Variants in ZSWIM6 observed in about 807,000 individuals in gnomAD.
ZSWIM6 encodes the protein zinc finger SWIM domain-containing protein 6.
ZSWIM6 carries 9 observed loss-of-function variants against 113.2 expected under a neutral mutation model. That is an observed-to-expected ratio of 0.08 (90% CI 0.05 to 0.14). ZSWIM6 has a LOEUF of 0.14. ZSWIM6 is among the 10% of genes least tolerant of loss of function. The probability of loss-of-function intolerance (pLI) is 1.00; values close to 1 mark genes in which losing one functional copy is unlikely to be tolerated. For synonymous variants in ZSWIM6, 611 were observed against 606.5 expected (o/e 1.01, Z -0.11); for missense variants, 1,162 against 1,552.2 (o/e 0.75, Z 4.22).
intron 1 of ZSWIM6, among the ~76,000 whole-genome samples, chr5:61,406,877 T>C (rs999214420): frequency 2.0e-5 from 3 of 152,088 alleles, no homozygotes; most frequent in Non-Finnish European, 2.9e-5. Flanking sequence ...CATGCCTGCC[T>C]AATTTTTGTA....
rs1749801546 is a variant in ZSWIM6, at chr5:61,543,614, C to T, written c.2945C>T (p.Thr982Ile). Residue 982 changes from threonine to isoleucine, a missense_variant, in exon 14 of 14, where the codon ACA becomes ATA. Transcript: ENST00000252744. The surrounding 1 kb of genome is among the most constrained non-coding windows in gnomAD (Gnocchi z 4.3). ...GAAAAGCTGGCCAGCAGCGCCCGGA[C>T]ACTTGCACTGCAGTGTGCCATGAAG... ...QQEKLASSAR[T>I]LALQCAMKDP... The T allele has an allele frequency of 6.4e-7, 1 of 1,551,672 alleles. No homozygotes were observed. Among genetic ancestry groups the T allele is most frequent in the African/African-American group, 1.4e-5 (1 of 73,056 alleles).
intron 7 of ZSWIM6, among the ~76,000 whole-genome samples, chr5:61,528,712 C>T (rs1391655037): frequency 6.6e-6 from 1 of 151,920 alleles, no homozygotes; most frequent in Non-Finnish European, 1.5e-5. Flanking sequence ...CTCAACCTCC[C>T]GAGTAGCTGG....
intron 1 of ZSWIM6, among the ~76,000 whole-genome samples, chr5:61,453,712 G>T (rs1336256989): frequency 6.6e-6 from 1 of 150,848 alleles, no homozygotes. Flanking sequence ...GAATAACCAT[G>T]CCTTTTTTTT....
At chr5:61,355,638 T>G (rs1040517689) in intron 1 of ZSWIM6, among the ~76,000 whole-genome samples, 1 of 152,206 alleles carries the variant, frequency 6.6e-6, no homozygotes, top group African/African-American at 2.4e-5. Context: ...ACCATTATGC[T>G]AAATATCAAT....
intron 4 of ZSWIM6, among the ~76,000 whole-genome samples, chr5:61,507,597 A>G (rs1004606215): frequency 8.5e-5 from 13 of 152,200 alleles, no homozygotes; most frequent in African/African-American, 2.7e-4. Flanking sequence ...TCAATCTACA[A>G]TGAAATTACT....
intron 1 of ZSWIM6, 61 bp downstream of exon 1, chr5:61,333,009 GT>G (rs1744299066): frequency 4.1e-5 from 18 of 439,680 alleles, no homozygotes; most frequent in Non-Finnish European, 5.8e-5. Flanking sequence ...TGGGGGGGGG[GT>G]GCCCGCCTTT....
chr5:61,458,275 C>G (rs2112165405), intron 1 of ZSWIM6, among the ~76,000 whole-genome samples: 1 of 152,268 alleles, frequency 6.6e-6, no homozygotes, highest in Middle Eastern at 3.4e-3. Flanking sequence ...AGGCAAAAGT[C>G]TAGGTTTTCA....
chr5:61,428,348 A>G (rs1746506563), intron 1 of ZSWIM6, among the ~76,000 whole-genome samples: 1 of 152,096 alleles, frequency 6.6e-6, no homozygotes, highest in Non-Finnish European at 1.5e-5. Flanking sequence ...TTTAAGAGCC[A>G]TTTTGGTGAT....
intron 4 of ZSWIM6, among the ~76,000 whole-genome samples, chr5:61,514,794 A>G (rs1391404763): frequency 6.6e-6 from 1 of 152,020 alleles, no homozygotes; most frequent in African/African-American, 2.4e-5. Flanking sequence ...GAGGCATTTT[A>G]CTTCTATGCT....
At chr5:61,385,706 T>C (rs960728829) in intron 1 of ZSWIM6, among the ~76,000 whole-genome samples, 2 of 152,252 alleles carry the variant, frequency 1.3e-5, no homozygotes, top group African/African-American at 4.8e-5. Context: ...CAGCGTAGTT[T>C]ACTTGGCTTC....
chr5:61,501,839 T>G (rs776934097), intron 4 of ZSWIM6, among the ~76,000 whole-genome samples: 21 of 152,230 alleles, frequency 1.4e-4, no homozygotes, highest in Non-Finnish European at 2.2e-4. Context: ...CATTAGTGGT[T>G]AATAGGAATG....
intron 10 of ZSWIM6, among the ~76,000 whole-genome samples, chr5:61,537,246 G>T (rs1286220118): frequency 6.6e-6 from 1 of 152,204 alleles, no homozygotes; most frequent in Non-Finnish European, 1.5e-5. Flanking sequence ...TGCCAAGGCA[G>T]TTTCTTAATG....
At chr5:61,365,853 ACATCTGCCCAAT>A (rs1561208963) in intron 1 of ZSWIM6, among the ~76,000 whole-genome samples, 3 of 152,204 alleles carry the variant, frequency 2.0e-5, no homozygotes, top group Non-Finnish European at 4.4e-5. Flanking sequence ...TAAAATGGGC[ACATCTGCCCAAT>A]ACCTTAGTTC....
intron 1 of ZSWIM6, among the ~76,000 whole-genome samples, chr5:61,390,434 G>T (rs928464783): frequency 6.6e-6 from 1 of 152,134 alleles, no homozygotes; most frequent in Non-Finnish European, 1.5e-5. Context: ...ATCTATGACA[G>T]AAATATTTTT....
chr5:61,477,920 A>G (rs907050877), intron 2 of ZSWIM6, among the ~76,000 whole-genome samples: 3 of 152,208 alleles, frequency 2.0e-5, no homozygotes, highest in African/African-American at 7.2e-5. Flanking sequence ...CTTTAAGGAC[A>G]TGTACACTTT....
chr5:61,339,587 C>G (rs1228519643), intron 1 of ZSWIM6, among the ~76,000 whole-genome samples: 1 of 152,054 alleles, frequency 6.6e-6, no homozygotes, highest in African/African-American at 2.4e-5. Context: ...TTTATAGGGG[C>G]AATCATTAAA....
chr5:61,412,554 A>G (rs1746167691), intron 1 of ZSWIM6, among the ~76,000 whole-genome samples: 1 of 152,104 alleles, frequency 6.6e-6, no homozygotes, highest in Non-Finnish European at 1.5e-5. Flanking sequence ...TATTCTTTTT[A>G]TGGGCTACTT....
chr5:61,445,350 G>A (rs1418665646), intron 1 of ZSWIM6, among the ~76,000 whole-genome samples: 1 of 152,152 alleles, frequency 6.6e-6, no homozygotes, highest in Non-Finnish European at 1.5e-5. Context: ...TATAAAAAGA[G>A]CATCATCATA....
chr5:61,459,514 A>G (rs1234766189), intron 1 of ZSWIM6, among the ~76,000 whole-genome samples: 1 of 152,242 alleles, frequency 6.6e-6, no homozygotes, highest in Non-Finnish European at 1.5e-5. Context: ...ATTATCTACA[A>G]TAAGAGTTTA....
Sources: allele counts gnomAD v4.1 joint callset (sites outside exome capture counted in the v4.1 genomes callset), GRCh38; gene constraint gnomAD v4.1.1; non-coding constraint Gnocchi (gnomAD v3.1); transcripts MANE v1.5; gene names NCBI Gene and HGNC (gene_info 2026-07-23, HGNC 2026-07-21).